Variants in RGS6 observed in about 807,000 individuals in gnomAD.
The protein encoded by RGS6 is regulator of G-protein signaling 6.
Under a neutral mutation model 78.5 loss-of-function variants are expected in RGS6, and 30 were observed. That is an observed-to-expected ratio of 0.38 (90% CI 0.29 to 0.52). The LOEUF (loss-of-function observed/expected upper bound fraction) is 0.52, where lower values mean the gene tolerates loss of function less well. RGS6 is among the 20% of genes least tolerant of loss of function. RGS6 has a pLI of 0.85. For missense variants in RGS6, 495 were observed against 609.7 expected, an observed-to-expected ratio of 0.81 and a Z score of 1.98; for synonymous variants, 206 against 206.0, an observed-to-expected ratio of 1.00 and a Z score of 0.00.
intron 2 of RGS6, among the ~76,000 whole-genome samples, chr14:72,053,886 G>A (rs1274733262): frequency 6.6e-6 from 1 of 152,270 alleles, no homozygotes; most frequent in Non-Finnish European, 1.5e-5. Flanking sequence ...GTATTCAAAT[G>A]CTTCCTGGAA....
chr14:72,344,121 C>T (rs1046796287), intron 2 of RGS6, among the ~76,000 whole-genome samples: 1 of 152,052 alleles, frequency 6.6e-6, no homozygotes, highest in Non-Finnish European at 1.5e-5. Flanking sequence ...GACATTTTCC[C>T]TAAAGTATCA....
chr14:72,079,309 C>T (rs1371435125), intron 2 of RGS6, among the ~76,000 whole-genome samples: 2 of 152,088 alleles, frequency 1.3e-5, no homozygotes, highest in Non-Finnish European at 2.9e-5. Context: ...AAACATATCA[C>T]TAGTCACATA....
chr14:72,333,100 A>G (rs2075375283), intron 2 of RGS6, among the ~76,000 whole-genome samples: 1 of 152,188 alleles, frequency 6.6e-6, no homozygotes. Flanking sequence ...CTCTTGGTCT[A>G]TGGGACTCCA....
chr14:72,377,143 C>T (rs1362578154), intron 3 of RGS6, among the ~76,000 whole-genome samples: 2 of 152,048 alleles, frequency 1.3e-5, no homozygotes, highest in Admixed American at 6.5e-5. Flanking sequence ...ATACAATATA[C>T]AGCCCACAAG....
intron 3 of RGS6, among the ~76,000 whole-genome samples, chr14:72,363,971 C>G (rs2081979161): frequency 1.8e-5 from 2 of 113,776 alleles, no homozygotes; most frequent in Admixed American, 1.1e-4. Context: ...CTGAAACAAT[C>G]TAACCATCAC....
chr14:72,611,772 G>A, the RGS6 span, among the ~76,000 whole-genome samples: 5 of 152,156 alleles, frequency 3.3e-5, no homozygotes, highest in African/African-American at 1.2e-4. Flanking sequence ...CTAGGCTGAG[G>A]TCATCTGTTT....
chr14:72,601,651 T>C, the RGS6 span, among the ~76,000 whole-genome samples: 2 of 152,226 alleles, frequency 1.3e-5, no homozygotes, highest in East Asian at 3.8e-4. Context: ...TAATTATCCA[T>C]GTCAGTCATT....
At chr14:72,208,705 A>T (rs960160157) in intron 2 of RGS6, among the ~76,000 whole-genome samples, 1 of 152,202 alleles carries the variant, frequency 6.6e-6, no homozygotes, top group African/African-American at 2.4e-5. Flanking sequence ...GTTCAATGCT[A>T]CTGGTTTATC....
intron 2 of RGS6, among the ~76,000 whole-genome samples, chr14:71,994,413 C>T (rs570690417): frequency 3.3e-5 from 5 of 152,100 alleles, no homozygotes; most frequent in African/African-American, 9.6e-5. Context: ...CAGGATTCCT[C>T]GAATACAGTG....
At chr14:72,352,042 T>C in intron 2 of RGS6, 53 bp from the exon 3 acceptor site, 1 of 1,380,106 alleles carries the variant, frequency 7.2e-7, no homozygotes, top group Non-Finnish European at 1.0e-6. Context: ...AAGGTACCAT[T>C]TATAATTACA....
chr14:72,411,780 T>G (rs2093431490), intron 3 of RGS6, among the ~76,000 whole-genome samples: 1 of 152,162 alleles, frequency 6.6e-6, no homozygotes, highest in African/African-American at 2.4e-5. Context: ...GCATGAAGCG[T>G]TGTTGAATTT....
chr14:72,500,636 AG>A (rs2096711590), intron 13 of RGS6, among the ~76,000 whole-genome samples: 2 of 152,222 alleles, frequency 1.3e-5, no homozygotes, highest in Admixed American at 1.3e-4. Flanking sequence ...TGCTTGGCAA[AG>A]GACATTAAGC....
At chr14:71,940,444 A>G (rs907640033) in intron 1 of RGS6, among the ~76,000 whole-genome samples, 2 of 152,220 alleles carry the variant, frequency 1.3e-5, no homozygotes, top group East Asian at 3.9e-4. Flanking sequence ...TCTTTTGTCC[A>G]TTCAACCTAG....
intron 2 of RGS6, among the ~76,000 whole-genome samples, chr14:72,017,790 AT>A (rs1269008647): frequency 6.7e-6 from 1 of 150,358 alleles, no homozygotes; most frequent in African/African-American, 2.5e-5. Flanking sequence ...TTCAACTTTT[AT>A]TTTAAGTTCC....
At chr14:71,978,071 G>A (rs1313849732) in intron 2 of RGS6, among the ~76,000 whole-genome samples, 35 of 149,866 alleles carry the variant, frequency 2.3e-4, no homozygotes, top group African/African-American at 8.1e-4. Flanking sequence ...TTTGTCTGTT[G>A]TTGGTGTATA....
chr14:72,179,231 T>A (rs1205541538), intron 2 of RGS6, among the ~76,000 whole-genome samples: 1 of 152,232 alleles, frequency 6.6e-6, no homozygotes, highest in East Asian at 1.9e-4. Flanking sequence ...CCCCTTTTTG[T>A]GGCTGAAATG....
At chr14:71,964,234 C>T (rs767408816) in intron 1 of RGS6, among the ~76,000 whole-genome samples, 16 of 152,104 alleles carry the variant, frequency 1.1e-4, no homozygotes, top group African/African-American at 3.6e-4. Flanking sequence ...TGGCTGGGTG[C>T]GGTGGCGCAC....
chr14:72,474,707 A>C lies in RGS6; in HGVS notation c.693+8A>C. The C allele has an allele frequency of 6.2e-6, 10 of 1,609,800 alleles. No individual in the cohort carries two copies. Among genetic ancestry groups the C allele is most frequent in the Non-Finnish European group, 8.5e-6 (10 of 1,178,372 alleles). On this transcript the variant is annotated splice_region_variant and intron_variant, in intron 10 of 17. Transcript: ENST00000553525. ...CCACAAAAGGTTAAAAAGGTTCGCT[A>C]GTTTAGCTGAGTTAAAAATTCCTGA...
At chr14:72,411,924 A>G (rs1051482006) in intron 3 of RGS6, among the ~76,000 whole-genome samples, 4 of 152,116 alleles carry the variant, frequency 2.6e-5, no homozygotes, top group Non-Finnish European at 5.9e-5. Context: ...AGCCCACCTG[A>G]TCATGGTGGA....
Sources: gnomAD v4.1 joint callset for allele counts (sites outside exome capture counted in the v4.1 genomes callset) on GRCh38, gnomAD v4.1.1 for gene constraint, MANE v1.5 for transcripts, NCBI Gene and HGNC (gene_info 2026-07-23, HGNC 2026-07-21) for gene names.